Variants in IBTK observed in about 807,000 individuals in gnomAD.
IBTK encodes inhibitor of Bruton tyrosine kinase.
IBTK carries 83 observed loss-of-function variants against 154.9 expected under a neutral mutation model. That is an observed-to-expected ratio of 0.54 (90% CI 0.45 to 0.64). The LOEUF (loss-of-function observed/expected upper bound fraction) is 0.64, where lower values mean the gene tolerates loss of function less well. IBTK is among the 30% of genes least tolerant of loss of function. IBTK has a pLI of 0.00. For synonymous variants in IBTK, 515 were observed against 536.1 expected (o/e 0.96, Z 0.54); for missense variants, 1,332 against 1,584.6 (o/e 0.84, Z 2.71).
chr6:82,237,336 TATAATGACA>T (rs1399712445), intron 2 of IBTK, among the ~76,000 whole-genome samples: 2 of 151,904 alleles, frequency 1.3e-5, no homozygotes, highest in East Asian at 3.9e-4. Flanking sequence ...TAGCTTTCCC[TATAATGACA>T]ATAAGGGAAT....
rs2127804618 is a variant in IBTK at position 82,194,497 on chromosome 6, C to A, written c.3320G>T (p.Trp1107Leu). The A allele has an allele frequency of 1.3e-6, 2 of 1,576,560 alleles. No individual in the cohort carries two copies. Among genetic ancestry groups the A allele is most frequent in the South Asian group, 1.2e-5 (1 of 81,566 alleles). ...ATCCTACCTGAAAGAACCAGCAACC[C>A]AACTGGCAGAGCTGGTAGTATCAAT... ...NRIDTTSSAS[W>L]VAGSFSPVSP... is the part of the protein sequence containing the mutation. Residue 1107 changes from tryptophan (W) to leucine (L), a missense_variant, in exon 23 of 29, where the codon TGG (tryptophan) becomes TTG (leucine). Trp to Leu is a moderately conservative substitution (Grantham distance 61). Transcript: ENST00000306270.
chr6:82,221,220 A>T (rs1343157160), intron 8 of IBTK, among the ~76,000 whole-genome samples: 1 of 152,156 alleles, frequency 6.6e-6, no homozygotes, highest in East Asian at 1.9e-4. Flanking sequence ...GCTACTCGGG[A>T]GGGTGAGGGA....
intron 18 of IBTK, 22 bp downstream of exon 18, chr6:82,202,506 A>G: frequency 8.0e-7 from 1 of 1,245,290 alleles, no homozygotes; most frequent in Non-Finnish European, 1.2e-6. Context: ...CAACAATCTT[A>G]CAACATATGC....
At chr6:82,236,766 C>A (rs1229657660) in intron 2 of IBTK, among the ~76,000 whole-genome samples, 1 of 152,186 alleles carries the variant, frequency 6.6e-6, no homozygotes, top group Non-Finnish European at 1.5e-5. Flanking sequence ...CAGCTGACAT[C>A]AGAGACGGAA....
intron 26 of IBTK, 77 bp downstream of exon 26, chr6:82,181,802 G>T: frequency 9.6e-7 from 1 of 1,036,492 alleles, no homozygotes. Context: ...AAAGTTTTAA[G>T]GATTATTTCA....
chr6:82,171,652 T>C (rs1767932170), intron 28 of IBTK, 96 bp from the exon 29 acceptor site: 10 of 980,664 alleles, frequency 1.0e-5, no homozygotes, highest in Non-Finnish European at 1.6e-5. Flanking sequence ...GAACTATCAC[T>C]TTCCATGGAT....
chr6:82,211,937 C>T (rs150191568), intron 13 of IBTK, among the ~76,000 whole-genome samples: 8 of 152,334 alleles, frequency 5.3e-5, no homozygotes, highest in Non-Finnish European at 1.2e-4. Context: ...AACAACTCCA[C>T]AGTTTATCCT....
At chr6:82,221,653 A>G (rs545601755) in intron 8 of IBTK, among the ~76,000 whole-genome samples, 1 of 152,336 alleles carries the variant, frequency 6.6e-6, no homozygotes, top group South Asian at 2.1e-4. Flanking sequence ...TGTATAACTT[A>G]ATCTGTAACA....
In IBTK at chr6:82,200,612, C is replaced by A; in HGVS notation, c.2887G>T (p.Glu963Ter). ...GAATGATTTTGTTCCATATTTATTT[C>A]TTCTTTCAAGAAGATATCTCCATCT... ...VEDGDIFLKEEINMEQNHSET... is the reference protein window; with the variant it reads ...VEDGDIFLKE The change falls in exon 20 of 29, where the codon GAA (glutamate) becomes TAA (stop). Residue 963 changes from glutamate (E) to a stop codon, truncating the protein, a stop_gained. Coordinates refer to ENST00000306270, the MANE Select transcript of IBTK (RefSeq NM_015525.4). LOFTEE classifies it high-confidence loss of function. 1 of 1,577,308 alleles carries A rather than the reference C, an allele frequency of 6.3e-7. No individual in the cohort carries two copies. Among genetic ancestry groups the A allele is most frequent in the Non-Finnish European group, 8.6e-7 (1 of 1,165,930 alleles).
intron 12 of IBTK, among the ~76,000 whole-genome samples, chr6:82,213,957 T>A (rs9443970): frequency 0.38 from 40,283 of 105,722 alleles, 5,461 homozygotes; most frequent in African/African-American, 0.46. Flanking sequence ...AAGGGTGGGA[T>A]TTTTTTTTTT....
chr6:82,181,653 G>T (rs923457518), intron 26 of IBTK, among the ~76,000 whole-genome samples: 1 of 142,900 alleles, frequency 7.0e-6, no homozygotes, highest in Non-Finnish European at 1.5e-5. Flanking sequence ...ACTACAGAAT[G>T]TATACTTTAA....
At chr6:82,200,068 C>T in intron 21 of IBTK, 73 bp downstream of exon 21, 1 of 923,076 alleles carries the variant, frequency 1.1e-6, no homozygotes, top group Non-Finnish European at 1.7e-6. Flanking sequence ...ATTTCAGTAG[C>T]CCCAGCAGAT....
chr6:82,200,933 C>T (rs1769188044), intron 19 of IBTK, among the ~76,000 whole-genome samples: 1 of 151,808 alleles, frequency 6.6e-6, no homozygotes, highest in South Asian at 2.1e-4. Flanking sequence ...TAAGATATTC[C>T]ATTTTTAATA....
chr6:82,190,941 A>G (rs1768742277), intron 25 of IBTK, 132 bp downstream of exon 25: 2 of 580,522 alleles, frequency 3.4e-6, no homozygotes, highest in African/African-American at 3.9e-5. Context: ...TTTAACTTGA[A>G]AACAGAAGGG....
At chr6:82,228,444 A>G (rs1447518044) in intron 4 of IBTK, among the ~76,000 whole-genome samples, 1 of 152,208 alleles carries the variant, frequency 6.6e-6, no homozygotes, top group African/African-American at 2.4e-5. Context: ...ATAAAATCCA[A>G]ATTTGTATTT....
rs189833522 is a variant in IBTK, at chr6:82,185,582, T to C, written c.3576-3554A>G. 6.2e-3 allele frequency among the ~76,000 whole-genome samples: 938 copies of C among 150,968 alleles called. 17 individuals carry two copies. The highest frequency in any genetic ancestry group is 0.053 in the Admixed American group (800 of 15,022). On this transcript the variant is annotated intron_variant, in intron 25 of 28. Transcript: ENST00000306270. ...CTTTAAAACCAATGCATACGAGATA[T>C]GTTCTCAGGAAAACAATCTATTCCA...
In IBTK at chr6:82,225,032, G is replaced by A. The variant is rs546550319; in HGVS notation, c.825+445C>T. Among the ~76,000 whole-genome samples, 3 of 152,130 alleles carry A rather than the reference G, an allele frequency of 2.0e-5. No homozygotes were observed. In the South Asian group the frequency reaches 6.2e-4, roughly 32 times the overall value. ...TAAAGACAACAGGCTGGGTGCAGTG[G>A]CTCACACCTGTAATCCCAGCACTTT... On this transcript the variant is annotated intron_variant, in intron 6 of 28. Coordinates refer to ENST00000306270, the MANE Select transcript of IBTK (RefSeq NM_015525.4).
chr6:82,177,197 T>TG (rs1279249701), intron 26 of IBTK, among the ~76,000 whole-genome samples: 2 of 150,768 alleles, frequency 1.3e-5, no homozygotes, highest in African/African-American at 4.9e-5. Flanking sequence ...TTCTTTTTGT[T>TG]TTGTTGTTGT....
intron 26 of IBTK, among the ~76,000 whole-genome samples, chr6:82,177,753 T>C (rs1768172626): frequency 6.6e-6 from 1 of 152,138 alleles, no homozygotes; most frequent in Non-Finnish European, 1.5e-5. Flanking sequence ...TTTCCCCATG[T>C]TGGCCAGGCT....
Sources: gnomAD v4.1 joint callset for allele counts (sites outside exome capture counted in the v4.1 genomes callset) on GRCh38, gnomAD v4.1.1 for gene constraint, MANE v1.5 for transcripts, NCBI Gene and HGNC (gene_info 2026-07-23, HGNC 2026-07-21) for gene names.